Variants in EPHA6 observed in about 807,000 individuals in gnomAD.
EPHA6 encodes the protein ephrin type-A receptor 6.
A neutral mutation model predicts 112.0 loss-of-function variants in EPHA6; 50 were observed. The ratio of observed to expected loss-of-function variants is 0.45; its 90% confidence interval spans 0.36 to 0.56. The LOEUF is 0.56. Among genes scored for constraint, EPHA6 ranks in the 20% least tolerant of loss-of-function variants. The pLI is 0.00. For synonymous variants in EPHA6, 529 were observed against 490.7 expected, an observed-to-expected ratio of 1.08 and a Z score of -1.03; for missense variants, 1,280 against 1,417.4, an observed-to-expected ratio of 0.90 and a Z score of 1.56.
intron 14 of EPHA6, 81 bp downstream of exon 14, chr3:97,638,163 T>C: frequency 1.0e-6 from 1 of 988,250 alleles, no homozygotes; most frequent in Non-Finnish European, 1.5e-6. Context: ...TGTTTCTGCC[T>C]TCCTAATTTT....
intron 10 of EPHA6, among the ~76,000 whole-genome samples, chr3:97,487,991 A>T (rs2091739522): frequency 6.6e-6 from 1 of 152,210 alleles, no homozygotes; most frequent in Admixed American, 6.5e-5. Context: ...GGTCTGAAAA[A>T]GTCATTGAAA....
chr3:97,152,027 T>A (rs2076183472), intron 3 of EPHA6, among the ~76,000 whole-genome samples: 1 of 152,044 alleles, frequency 6.6e-6, no homozygotes, highest in African/African-American at 2.4e-5. Context: ...ATTATTTCCA[T>A]GTGTGATGTG....
chr3:97,550,347 A>G (rs558218290), intron 11 of EPHA6, among the ~76,000 whole-genome samples: 1 of 152,224 alleles, frequency 6.6e-6, no homozygotes, highest in Non-Finnish European at 1.5e-5. Flanking sequence ...AGCAAAATGG[A>G]GAAATGCTGT....
chr3:97,296,985 G>T (rs1299498707), intron 5 of EPHA6, among the ~76,000 whole-genome samples: 1 of 152,160 alleles, frequency 6.6e-6, no homozygotes, highest in African/African-American at 2.4e-5. Flanking sequence ...TCTGGTGAGG[G>T]CTGGATTCTT....
intron 3 of EPHA6, among the ~76,000 whole-genome samples, chr3:97,215,066 A>C (rs1003019914): frequency 1.3e-5 from 2 of 152,240 alleles, no homozygotes; most frequent in African/African-American, 4.8e-5. Flanking sequence ...GAACACCATG[A>C]GGGAAAAGCA....
chr3:97,039,653 A>C (rs965846808), intron 3 of EPHA6, among the ~76,000 whole-genome samples: 1 of 152,014 alleles, frequency 6.6e-6, no homozygotes, highest in African/African-American at 2.4e-5. Flanking sequence ...TTGTAATTTC[A>C]AATATTCTGG....
rs868420547 is a variant in EPHA6 at position 96,994,713 on chromosome 3, A to G, written c.1114+6720A>G. On this transcript the variant is annotated intron_variant, in intron 3 of 17. Transcript: ENST00000389672. ...TGTGTATGTGTGTGTGTGTGTGTAT[A>G]TATATATATATATATATATAGAGAG... 1.4e-3 allele frequency among the ~76,000 whole-genome samples: 108 copies of G among 75,930 alleles called. 1 individual carries two copies. Among genetic ancestry groups the G allele is most frequent in the South Asian group, 0.011 (28 of 2,624 alleles). The allele number at this position is 75,930 out of a possible 152,430, so 49.8% of individuals were successfully genotyped here.
chr3:97,317,197 T>G (rs778388605), intron 5 of EPHA6, among the ~76,000 whole-genome samples: 1 of 151,040 alleles, frequency 6.6e-6, no homozygotes, highest in East Asian at 1.9e-4. Context: ...CCTGTTATGG[T>G]TTTCTGCAGG....
At chr3:97,566,980 A>T (rs1368807425) in intron 11 of EPHA6, among the ~76,000 whole-genome samples, 2 of 152,166 alleles carry the variant, frequency 1.3e-5, no homozygotes, top group African/African-American at 4.8e-5. Flanking sequence ...TCCCTACCAA[A>T]TAGAAACCAC....
At chr3:97,050,357 T>C (rs1489533286) in intron 3 of EPHA6, among the ~76,000 whole-genome samples, 1 of 152,176 alleles carries the variant, frequency 6.6e-6, no homozygotes, top group Non-Finnish European at 1.5e-5. Context: ...CATCTAACAA[T>C]TAGCAGACAG....
At chr3:97,000,292 C>CACATATATATAGCCACACAT (rs1553685590) in intron 3 of EPHA6, among the ~76,000 whole-genome samples, 1 of 147,900 alleles carries the variant, frequency 6.8e-6, no homozygotes, top group African/African-American at 2.5e-5. Flanking sequence ...CACACACACA[C>CACATATATATAGCCACACAT]ATATATATAG....
chr3:97,184,601 G>A (rs1008959912), intron 3 of EPHA6, among the ~76,000 whole-genome samples: 6 of 152,070 alleles, frequency 3.9e-5, no homozygotes. Context: ...CATGCTCATG[G>A]GTAGGAAGAA....
intron 5 of EPHA6, among the ~76,000 whole-genome samples, chr3:97,379,254 TG>T (rs1365606761): frequency 1.3e-5 from 2 of 152,194 alleles, no homozygotes; most frequent in African/African-American, 4.8e-5. Context: ...CATGTGGAAC[TG>T]AAAGTCCAAG....
At chr3:97,405,112 C>A in intron 5 of EPHA6, 38 bp from the exon 6 acceptor site, 1 of 1,550,192 alleles carries the variant, frequency 6.5e-7, no homozygotes, top group Non-Finnish European at 8.7e-7. Context: ...GAAAATGATT[C>A]CTGCCAATTA....
chr3:97,643,728 G>C (rs2094031179), intron 14 of EPHA6, among the ~76,000 whole-genome samples: 1 of 152,036 alleles, frequency 6.6e-6, no homozygotes, highest in South Asian at 2.1e-4. Flanking sequence ...AATTCAACAA[G>C]AAGAGCTAAC....
intron 14 of EPHA6, among the ~76,000 whole-genome samples, chr3:97,648,121 G>A (rs2094079921): frequency 6.6e-6 from 1 of 152,016 alleles, no homozygotes; most frequent in Non-Finnish European, 1.5e-5. Context: ...ACTTCTAATT[G>A]CATCGATTTT....
At chr3:97,021,581 C>T (rs1349998983) in intron 3 of EPHA6, among the ~76,000 whole-genome samples, 1 of 152,186 alleles carries the variant, frequency 6.6e-6, no homozygotes, top group African/African-American at 2.4e-5. Flanking sequence ...TCAAAGATCA[C>T]GGTTATGGCA....
chr3:97,011,900 T>C (rs2044098697), intron 3 of EPHA6, among the ~76,000 whole-genome samples: 1 of 152,224 alleles, frequency 6.6e-6, no homozygotes, highest in Non-Finnish European at 1.5e-5. Flanking sequence ...TACTTACTTA[T>C]AAGTAAGTAT....
intron 3 of EPHA6, among the ~76,000 whole-genome samples, chr3:97,030,046 G>C (rs1335488456): frequency 6.6e-6 from 1 of 152,054 alleles, no homozygotes; most frequent in Non-Finnish European, 1.5e-5. Context: ...CATGCAAAAA[G>C]ACTTTCTTTT....
Sources: gnomAD v4.1 joint callset for allele counts (sites outside exome capture counted in the v4.1 genomes callset) on GRCh38, gnomAD v4.1.1 for gene constraint, MANE v1.5 for transcripts, NCBI Gene and HGNC (gene_info 2026-07-23, HGNC 2026-07-21) for gene names.